Variants in SLC35A4 observed in about 807,000 individuals in gnomAD.
SLC35A4 encodes solute carrier family 35 member A4, also known as probable UDP-sugar transporter protein SLC35A4.
A neutral mutation model predicts 18.8 loss-of-function variants in SLC35A4; 9 were observed. That is an observed-to-expected ratio of 0.48 (90% CI 0.29 to 0.83). SLC35A4 has a LOEUF of 0.83. Ranked by LOEUF, SLC35A4 falls within the 40% of genes least tolerant of loss-of-function variation. SLC35A4 has a pLI of 0.09. For missense variants in SLC35A4, 404 were observed against 415.5 expected (o/e 0.97, Z 0.24); for synonymous variants, 189 against 191.9 (o/e 0.98, Z 0.13).
In SLC35A4 at chr5:140,568,109, G is replaced by T. The variant is rs751073961; in HGVS notation, c.940G>T (p.Gly314Cys). The stretch of plus-strand genomic sequence containing the variant: ...CTTCTTCCTGGCCACATTGCTCATT[G>T]GCCTGGCCATGCGCCTGTACTATGG... ...AAFFLATLLI[G>C]LAMRLYYGSR Residue 314 changes from glycine to cysteine, a missense_variant, in exon 3 of 3, where the codon GGC becomes TGC. Coordinates refer to ENST00000323146, the MANE Select transcript of SLC35A4 (RefSeq NM_080670.4). The T allele has an allele frequency of 5.0e-6, 8 of 1,613,710 alleles. No homozygotes were observed. Among genetic ancestry groups the T allele is most frequent in the Non-Finnish European group, 6.8e-6 (8 of 1,180,038 alleles).
Position 140,568,324 on chromosome 5 carries a change from C to A in SLC35A4, c.*180C>A. 1 of 952,030 alleles carries A rather than the reference C, an allele frequency of 1.1e-6. No homozygotes were observed. The highest frequency in any genetic ancestry group is 2.6e-5 in the East Asian group (1 of 37,846). 59.0% of individuals were successfully genotyped at this position (952,030 alleles called of 1,614,324 possible). A position where few individuals can be genotyped will look rare whatever the true frequency, so the allele number is the denominator to read the frequency against. On this transcript the variant is annotated 3_prime_UTR_variant, in exon 3 of 3. Coordinates refer to ENST00000323146, the MANE Select transcript of SLC35A4 (RefSeq NM_080670.4). ...GAGGTTGGTGGATGAAGGGGTACCC[C>A]TAGGAGATGTGAAGTGTGGGTTTGG...
rs1256737538 is a variant in SLC35A4 at position 140,567,911 on chromosome 5, G to A, written c.742G>A (p.Gly248Ser). 6.2e-7 allele frequency: 1 copy of A among 1,614,226 alleles called. No individual in the cohort carries two copies. Among genetic ancestry groups the A allele is most frequent in the East Asian group, 2.2e-5 (1 of 44,886 alleles). The change falls in exon 3 of 3, where the codon GGT becomes AGT. Residue 248 changes from glycine to serine, a missense_variant. Coordinates refer to ENST00000323146, the MANE Select transcript of SLC35A4 (RefSeq NM_080670.4). ...GGGSGPGLLE[G>S]FSGWAALVVL... ...CGGCTCTGGCCCAGGCCTCCTGGAA[G>A]GTTTCTCAGGATGGGCAGCACTCGT...
At position 140,567,154 on chromosome 5, in the gene SLC35A4, A is replaced by G. The variant is rs1417639877; in HGVS notation, c.-16A>G. Reference sequence around the variant, plus strand: ...AATCCCTGCTGCCCCTTAGCCACCCAGGGTCTTGTGTGGGTATGAGTGTAG... The same window carrying G: ...AATCCCTGCTGCCCCTTAGCCACCCGGGGTCTTGTGTGGGTATGAGTGTAG... On this transcript the variant is annotated 5_prime_UTR_variant, in exon 3 of 3. Transcript: ENST00000323146. 1.1e-5 allele frequency: 17 copies of G among 1,614,134 alleles called. No individual in the cohort carries two copies. Among genetic ancestry groups the G allele is most frequent in the East Asian group, 2.2e-5 (1 of 44,866 alleles).
rs1403592503 is a variant in SLC35A4, at chr5:140,568,586, A to G, written c.*442A>G. ...GGCTAGTCCAGCCCAGCCATGGTGCATGACTCTTCCATAAGGGATCCTCAC... is the reference window on the plus strand; with the variant it reads ...GGCTAGTCCAGCCCAGCCATGGTGCGTGACTCTTCCATAAGGGATCCTCAC... On this transcript the variant is annotated 3_prime_UTR_variant, in exon 3 of 3. Transcript: ENST00000323146. 1.3e-5 allele frequency: 3 copies of G among 223,512 alleles called. No individual in the cohort carries two copies. The highest frequency in any genetic ancestry group is 7.1e-5 in the African/African-American group (3 of 42,518). 13.8% of individuals were successfully genotyped at this position (223,512 alleles called of 1,614,324 possible). A position where few individuals can be genotyped will look rare whatever the true frequency, so the allele number is the denominator to read the frequency against.
At chr5:140,566,103 A>C (rs368645180) in intron 2 of SLC35A4, 132 bp downstream of exon 2, 1 of 395,958 alleles carries the variant, frequency 2.5e-6, no homozygotes, top group Non-Finnish European at 4.4e-6. Context: ...CCTAAGGACA[A>C]TTTTTCTGAA....
chr5:140,566,462 G>A, intron 2 of SLC35A4, 103 bp from the exon 3 acceptor site: 1 of 400,278 alleles, frequency 2.5e-6, no homozygotes, highest in Non-Finnish European at 4.4e-6. Context: ...GTTGTCCAGG[G>A]TGAGGAGGAG....
At chr5:140,566,192 A>C (rs1755182828) in intron 2 of SLC35A4, among the ~76,000 whole-genome samples, 1 of 152,182 alleles carries the variant, frequency 6.6e-6, no homozygotes, top group African/African-American at 2.4e-5. Flanking sequence ...AGAACAGCAT[A>C]TGTAAAGGCC....
rs747776956 is a variant in SLC35A4 at position 140,567,277 on chromosome 5, G to A, written c.108G>A (p.Leu36=). ...STAMYGAHAP[L]LALCHVDGRV... The stretch of plus-strand genomic sequence containing the variant: ...CCATGTACGGTGCCCATGCCCCATT[G>A]CTGGCACTGTGCCATGTGGACGGCC... The change falls in exon 3 of 3, where the codon TTG becomes TTA. Residue 36 remains leucine (L), a synonymous_variant. Transcript: ENST00000323146. The A allele has an allele frequency of 6.2e-7, 1 of 1,614,154 alleles. No individual in the cohort carries two copies. Among genetic ancestry groups the A allele is most frequent in the South Asian group, 1.1e-5 (1 of 91,092 alleles).
At chr5:140,566,514 G>C (rs1026028392) in intron 2 of SLC35A4, 51 bp from the exon 3 acceptor site, 1 of 411,274 alleles carries the variant, frequency 2.4e-6, no homozygotes, top group Non-Finnish European at 4.3e-6. Flanking sequence ...GTAGCCCCTG[G>C]ACAGTCAGGA....
At position 140,564,868 on chromosome 5, in the gene SLC35A4, C is replaced by T. The variant is rs913804535; in HGVS notation, c.-705+10C>T. 3 of 383,900 alleles carry T rather than the reference C, an allele frequency of 7.8e-6. No individual in the cohort carries two copies. Among genetic ancestry groups the T allele is most frequent in the African/African-American group, 2.1e-5 (1 of 47,668 alleles). The allele number at this position is 383,900 out of a possible 1,614,324, so 23.8% of individuals were successfully genotyped here. A position where few individuals can be genotyped will look rare whatever the true frequency, so the allele number is the denominator to read the frequency against. On this transcript the variant is annotated intron_variant, in intron 1 of 2. Coordinates refer to ENST00000323146, the MANE Select transcript of SLC35A4 (RefSeq NM_080670.4). This position sits in a 1 kb window ranked among gnomAD's most constrained non-coding sequence, Gnocchi z 5.0. ...GATGGCGGATGACAAGGTGAGTGGC[C>T]GTGGGGGTGATCTGCAGCCGGGCGT...
Position 140,567,241 on chromosome 5 carries a change from C to A in SLC35A4, c.72C>A (p.Leu24=), listed in dbSNP as rs372266952. 2 of 1,614,202 alleles carry A rather than the reference C, an allele frequency of 1.2e-6. No homozygotes were observed. Among genetic ancestry groups the A allele is most frequent in the Non-Finnish European group, 1.7e-6 (2 of 1,180,024 alleles). ...AGGCCCGCTGGACCCTGATGCTACTCCTATCCACTGCCATGTACGGTGCCC... is the reference window on the plus strand; with the variant it reads ...AGGCCCGCTGGACCCTGATGCTACTACTATCCACTGCCATGTACGGTGCCC... The part of the protein sequence containing the change: ...PRQARWTLML[L]LSTAMYGAHA... Residue 24 remains leucine (L), a synonymous_variant, in exon 3 of 3, where the codon CTC becomes CTA. Coordinates refer to ENST00000323146, the MANE Select transcript of SLC35A4 (RefSeq NM_080670.4).
chr5:140,568,156 T>G lies in SLC35A4; in HGVS notation c.*12T>G. The G allele has an allele frequency of 3.1e-6, 5 of 1,613,720 alleles. No individual in the cohort carries two copies. Among genetic ancestry groups the G allele is most frequent in the Non-Finnish European group, 4.2e-6 (5 of 1,180,018 alleles). ...ATGGCAGCCGCTAGTCCCTGACAAC[T>G]TCCACCCTGATTCCGGACCCTGTAG... On this transcript the variant is annotated 3_prime_UTR_variant, in exon 3 of 3. Transcript: ENST00000323146.
Position 140,568,372 on chromosome 5 carries a change from C to A in SLC35A4, c.*228C>A. 1 of 633,920 alleles carries A rather than the reference C, an allele frequency of 1.6e-6. No homozygotes were observed. Among genetic ancestry groups the A allele is most frequent in the Non-Finnish European group, 2.8e-6 (1 of 361,254 alleles). The allele number at this position is 633,920 out of a possible 1,614,324, so 39.3% of individuals were successfully genotyped here. On this transcript the variant is annotated 3_prime_UTR_variant, in exon 3 of 3. Coordinates refer to ENST00000323146, the MANE Select transcript of SLC35A4 (RefSeq NM_080670.4). ...TGGTTAAGGAAATGCTTACCATCCC[C>A]CACCCCCAACCAAGTTCTTCCAGAC...
In SLC35A4 at chr5:140,565,989, C is replaced by G; in HGVS notation, c.-606+18C>G. The stretch of plus-strand genomic sequence containing the variant: ...TGGGCCAGGTAAGGACTGTCCCACC[C>G]CACCCCTGCCTTAGGCTTTATTGCC... On this transcript the variant is annotated intron_variant, in intron 2 of 2. Coordinates refer to ENST00000323146, the MANE Select transcript of SLC35A4 (RefSeq NM_080670.4). 2.5e-6 allele frequency: 1 copy of G among 398,904 alleles called. No homozygotes were observed. Among genetic ancestry groups the G allele is most frequent in the Non-Finnish European group, 4.4e-6 (1 of 226,044 alleles). The allele number at this position is 398,904 out of a possible 1,614,324, so 24.7% of individuals were successfully genotyped here. A position where few individuals can be genotyped will look rare whatever the true frequency, so the allele number is the denominator to read the frequency against.
In SLC35A4 at chr5:140,566,819, T is replaced by G. The variant is rs1170662993; in HGVS notation, c.-351T>G. On this transcript the variant is annotated 5_prime_UTR_variant, in exon 3 of 3. Transcript: ENST00000323146. ...AGCTCAGCCTTCAGGTGGAGACACT[T>G]TATCTGGATTCCCCAGCTGTCATCC... The G allele has an allele frequency of 1.8e-5, 11 of 602,496 alleles. No individual in the cohort carries two copies. The Admixed American group carries it at 2.9e-4, about 16-fold the overall frequency. 37.3% of individuals were successfully genotyped at this position (602,496 alleles called of 1,614,324 possible).
At position 140,564,856 on chromosome 5, in the gene SLC35A4, A is replaced by G. The variant is rs917918793; in HGVS notation, c.-707A>G. On this transcript the variant is annotated splice_region_variant and 5_prime_UTR_variant, in exon 1 of 3. Transcript: ENST00000323146. This position sits in a 1 kb window ranked among gnomAD's most constrained non-coding sequence, Gnocchi z 5.0. ...TTCGGCGGGGAAGATGGCGGATGAC[A>G]AGGTGAGTGGCCGTGGGGGTGATCT... 1 of 404,820 alleles carries G rather than the reference A, an allele frequency of 2.5e-6. No individual in the cohort carries two copies. Among genetic ancestry groups the G allele is most frequent in the Non-Finnish European group, 4.4e-6 (1 of 229,316 alleles). The allele number at this position is 404,820 out of a possible 1,614,324, so 25.1% of individuals were successfully genotyped here. A position where few individuals can be genotyped will look rare whatever the true frequency, so the allele number is the denominator to read the frequency against.
chr5:140,567,075 G>A lies in SLC35A4; in HGVS notation c.-95G>A. ...GTATTCTCTCTGGCAATGTTCCACG[G>A]CTTCTCCTTCCTGGGAGCTGGCTCC... On this transcript the variant is annotated 5_prime_UTR_variant, in exon 3 of 3. Coordinates refer to ENST00000323146, the MANE Select transcript of SLC35A4 (RefSeq NM_080670.4). 1 of 1,583,466 alleles carries A rather than the reference G, an allele frequency of 6.3e-7. No individual in the cohort carries two copies. Among genetic ancestry groups the A allele is most frequent in the South Asian group, 1.1e-5 (1 of 90,076 alleles).
Position 140,566,773 on chromosome 5 carries a change from C to A in SLC35A4, c.-397C>A. ...AAGGGGCCCGACTAGCTCTAGGTGC[C>A]ATGGAAGAGGCAGGATGAGCAGCTC... On this transcript the variant is annotated 5_prime_UTR_variant, in exon 3 of 3. Transcript: ENST00000323146. 1 of 599,372 alleles carries A rather than the reference C, an allele frequency of 1.7e-6. No individual in the cohort carries two copies. Among genetic ancestry groups the A allele is most frequent in the South Asian group, 2.0e-5 (1 of 49,688 alleles). 37.1% of individuals were successfully genotyped at this position (599,372 alleles called of 1,614,324 possible). A position where few individuals can be genotyped will look rare whatever the true frequency, so the allele number is the denominator to read the frequency against.
rs761669770 is a variant in SLC35A4 at position 140,566,757 on chromosome 5, G to A, written c.-413G>A. 34 of 595,316 alleles carry A rather than the reference G, an allele frequency of 5.7e-5. No homozygotes were observed. In the African/African-American group the frequency reaches 6.0e-4, roughly 10 times the overall value. 36.9% of individuals were successfully genotyped at this position (595,316 alleles called of 1,614,324 possible). ...TTTGCAGTTGCTACGCAAGGGGCCC[G>A]ACTAGCTCTAGGTGCCATGGAAGAG... On this transcript the variant is annotated 5_prime_UTR_variant, in exon 3 of 3. Transcript: ENST00000323146.
Sources: allele counts gnomAD v4.1 joint callset (sites outside exome capture counted in the v4.1 genomes callset), GRCh38; gene constraint gnomAD v4.1.1; non-coding constraint Gnocchi (gnomAD v3.1); transcripts MANE v1.5; gene names NCBI Gene and HGNC (gene_info 2026-07-23, HGNC 2026-07-21).